Variants in NCK2 observed in about 807,000 individuals in gnomAD.
The protein encoded by NCK2 is cytoplasmic protein NCK2.
NCK2 carries 16 observed loss-of-function variants against 33.9 expected under a neutral mutation model. That is an observed-to-expected ratio of 0.47 (90% CI 0.32 to 0.72). The LOEUF (loss-of-function observed/expected upper bound fraction) is 0.72, where lower values mean the gene tolerates loss of function less well. NCK2 is among the 30% of genes least tolerant of loss of function. The pLI, the probability that NCK2 is intolerant of heterozygous loss-of-function variation, is 0.03. For missense variants in NCK2, 418 were observed against 537.3 expected, an observed-to-expected ratio of 0.78 and a Z score of 2.19; for synonymous variants, 273 against 239.9, an observed-to-expected ratio of 1.14 and a Z score of -1.27.
intron 3 of NCK2, among the ~76,000 whole-genome samples, chr2:105,870,269 G>A (rs1477657846): frequency 2.6e-5 from 4 of 152,232 alleles, no homozygotes; most frequent in Non-Finnish European, 4.4e-5. Flanking sequence ...AGGCTGAGGA[G>A]GCAGGGGGCC....
intron 2 of NCK2, among the ~76,000 whole-genome samples, chr2:105,817,506 G>T (rs942291156): frequency 2.6e-5 from 4 of 152,134 alleles, no homozygotes; most frequent in African/African-American, 7.2e-5. Flanking sequence ...TTCACCTCCA[G>T]AGCTTTGTCT....
intron 1 of NCK2, among the ~76,000 whole-genome samples, chr2:105,786,514 T>TG (rs2104414423): frequency 6.6e-6 from 1 of 152,354 alleles, no homozygotes; most frequent in South Asian, 2.1e-4. Flanking sequence ...AAGCATGAGA[T>TG]GCTGAGTCGG....
intron 1 of NCK2, among the ~76,000 whole-genome samples, chr2:105,805,710 A>T (rs1346080960): frequency 6.6e-6 from 1 of 152,108 alleles, no homozygotes; most frequent in African/African-American, 2.4e-5. Flanking sequence ...GTCTTTCTGT[A>T]CCTGGCTTAC....
At chr2:105,863,869 G>A (rs907959687) in intron 3 of NCK2, among the ~76,000 whole-genome samples, 12 of 152,218 alleles carry the variant, frequency 7.9e-5, no homozygotes, top group Admixed American at 1.3e-4. Flanking sequence ...CAGTTGCGTC[G>A]TCTGTATAAC....
At chr2:105,828,333 A>G (rs1475463294) in intron 2 of NCK2, among the ~76,000 whole-genome samples, 1 of 152,170 alleles carries the variant, frequency 6.6e-6, no homozygotes, top group Non-Finnish European at 1.5e-5. Context: ...AATATGGCCT[A>G]ACCATATTTT....
chr2:105,811,919 A>G (rs1268156137), intron 1 of NCK2, among the ~76,000 whole-genome samples: 2 of 152,152 alleles, frequency 1.3e-5, no homozygotes, highest in Non-Finnish European at 2.9e-5. Flanking sequence ...GGCAGAAATC[A>G]TTATTCCAGA....
chr2:105,817,465 C>A (rs776882768), intron 2 of NCK2, among the ~76,000 whole-genome samples: 13 of 152,078 alleles, frequency 8.5e-5, no homozygotes, highest in Non-Finnish European at 1.3e-4. Context: ...TCTGGCTGGG[C>A]AGTAAGAAGT....
intron 3 of NCK2, among the ~76,000 whole-genome samples, chr2:105,857,694 A>C (rs1677334375): frequency 6.6e-6 from 1 of 152,256 alleles, no homozygotes; most frequent in Non-Finnish European, 1.5e-5. Context: ...CATAGCCAAA[A>C]GGCCCTTGGG....
At chr2:105,861,184 C>T (rs1390577464) in intron 3 of NCK2, among the ~76,000 whole-genome samples, 4 of 152,170 alleles carry the variant, frequency 2.6e-5, no homozygotes, top group Non-Finnish European at 4.4e-5. Flanking sequence ...ACTTTTTACA[C>T]CTTTATGGAG....
chr2:105,836,343 C>A (rs79941679), intron 2 of NCK2, among the ~76,000 whole-genome samples: 2,633 of 151,932 alleles, frequency 0.017, 38 homozygotes, highest in Non-Finnish European at 0.021. Flanking sequence ...TCTGGGTGAG[C>A]GTAAAAGTGT....
intron 2 of NCK2, 114 bp from the exon 3 acceptor site, chr2:105,854,934 A>C: frequency 5.7e-6 from 4 of 700,020 alleles, no homozygotes; most frequent in Non-Finnish European, 9.8e-6. Context: ...CCCAGGAGAA[A>C]ACTGGTTGCA....
chr2:105,768,709 G>A (rs1233175282), intron 1 of NCK2, among the ~76,000 whole-genome samples: 1 of 152,164 alleles, frequency 6.6e-6, no homozygotes, highest in African/African-American at 2.4e-5. Context: ...TGCAGTTAAT[G>A]TTAGTGTATT....
At chr2:105,888,259 T>G (rs1678798256) in intron 4 of NCK2, among the ~76,000 whole-genome samples, 1 of 152,218 alleles carries the variant, frequency 6.6e-6, no homozygotes, top group Non-Finnish European at 1.5e-5. Flanking sequence ...ATTCAAAAAC[T>G]ATGAGAATGG....
At position 105,892,987 on chromosome 2, in the gene NCK2, C is replaced by G. The variant is rs748686837; in HGVS notation, c.954C>G (p.Ser318Arg). 6.2e-7 allele frequency: 1 copy of G among 1,605,426 alleles called. No individual in the cohort carries two copies. The highest frequency in any genetic ancestry group is 2.2e-5 in the East Asian group (1 of 44,614). Residue 318 changes from serine to arginine, a missense_variant, in exon 5 of 5, where the codon AGC (serine) becomes AGG (arginine). By Grantham distance (110) the Ser-to-Arg change is moderately radical. Transcript: ENST00000233154. ...FLIRDSESSP[S>R]DFSVSLKASG... ...GTGTTCTGTTTCCTCCCCAGCCCAG[C>G]GACTTCTCCGTGTCCCTTAAAGCGT...
In NCK2 at chr2:105,844,189, CA is replaced by C. The variant is rs1183740756; in HGVS notation, c.-16-10851del. 4.6e-5 allele frequency among the ~76,000 whole-genome samples: 7 copies of C among 151,498 alleles called. No individual in the cohort carries two copies. In the East Asian group the frequency reaches 1.2e-3, roughly 25 times the overall value. ...CTTTAAATACCTGACCAATGCTCTTCAAAAAAAAGGGAAGTCTGAGAACTGC... is the reference window on the plus strand; with the variant it reads ...CTTTAAATACCTGACCAATGCTCTTCAAAAAAAGGGAAGTCTGAGAACTGC... On this transcript the variant is annotated intron_variant, in intron 2 of 4. Transcript: ENST00000233154.
At chr2:105,756,339 A>G (rs894304063) in intron 1 of NCK2, among the ~76,000 whole-genome samples, 3 of 89,478 alleles carry the variant, frequency 3.4e-5, no homozygotes, top group African/African-American at 1.2e-4. Context: ...AGTACAATCA[A>G]TCTTTCCCTT....
chr2:105,821,677 C>T (rs1675745844), intron 2 of NCK2, among the ~76,000 whole-genome samples: 1 of 152,038 alleles, frequency 6.6e-6, no homozygotes, highest in South Asian at 2.1e-4. Context: ...TGGCAGGTGC[C>T]CGGCACAGGG....
At chr2:105,877,906 C>T (rs992370903) in intron 3 of NCK2, among the ~76,000 whole-genome samples, 2 of 152,160 alleles carry the variant, frequency 1.3e-5, no homozygotes, top group African/African-American at 4.8e-5. Flanking sequence ...AGAAGTTGCC[C>T]ACTTTGTCAC....
At chr2:105,848,386 A>G (rs1402994683) in intron 2 of NCK2, 3 of 152,166 alleles carry the variant, frequency 2.0e-5, no homozygotes, top group African/African-American at 4.8e-5. Flanking sequence ...TGTAATTTCA[A>G]CGGTCGGAAG....
Sources: gnomAD v4.1 joint callset for allele counts (sites outside exome capture counted in the v4.1 genomes callset) on GRCh38, gnomAD v4.1.1 for gene constraint, MANE v1.5 for transcripts, NCBI Gene and HGNC (gene_info 2026-07-23, HGNC 2026-07-21) for gene names.